Variants in RLF observed in about 807,000 individuals in gnomAD.
RLF encodes the protein RLF zinc finger, also known as zinc finger protein Rlf.
Under a neutral mutation model 162.9 loss-of-function variants are expected in RLF, and 7 were observed. The observed-to-expected ratio is 0.04, with a 90% CI of 0.02 to 0.08. The LOEUF (loss-of-function observed/expected upper bound fraction) is 0.08, where lower values mean the gene tolerates loss of function less well. Among genes scored for constraint, RLF ranks in the 10% least tolerant of loss-of-function variants. The probability of loss-of-function intolerance (pLI) is 1.00; values close to 1 mark genes in which losing one functional copy is unlikely to be tolerated. For missense variants in RLF, 1,664 were observed against 2,244.7 expected (o/e 0.74, Z 5.23); for synonymous variants, 782 against 791.5 (o/e 0.99, Z 0.20).
intron 5 of RLF, among the ~76,000 whole-genome samples, chr1:40,204,037 T>C (rs1236139468): frequency 9.4e-5 from 14 of 149,340 alleles, no homozygotes; most frequent in African/African-American, 3.2e-4. Flanking sequence ...CCTCTCTCTT[T>C]TTTTTTTTTT....
intron 4 of RLF, among the ~76,000 whole-genome samples, chr1:40,199,210 T>G (rs2124540646): frequency 6.6e-6 from 1 of 152,302 alleles, no homozygotes; most frequent in South Asian, 2.1e-4. Context: ...GTGATGACCC[T>G]TCAGTTGCTA....
chr1:40,225,230 TG>T (rs1643053222), intron 6 of RLF, among the ~76,000 whole-genome samples: 1 of 152,200 alleles, frequency 6.6e-6, no homozygotes. Context: ...ATTTATGTCT[TG>T]GGAGTATCAT....
chr1:40,203,860 C>T (rs1303380416), intron 5 of RLF, among the ~76,000 whole-genome samples: 2 of 152,132 alleles, frequency 1.3e-5, no homozygotes, highest in East Asian at 1.9e-4. Context: ...AATTGTCTAT[C>T]TTTCTACCTT....
At chr1:40,225,523 G>A (rs1450208356) in intron 6 of RLF, among the ~76,000 whole-genome samples, 2 of 146,354 alleles carry the variant, frequency 1.4e-5, no homozygotes, top group Non-Finnish European at 3.0e-5. Context: ...AGGTTGCAGC[G>A]AGCTGAGATC....
chr1:40,207,680 G>A (rs532229062), intron 5 of RLF, among the ~76,000 whole-genome samples: 12 of 152,060 alleles, frequency 7.9e-5, no homozygotes, highest in South Asian at 2.1e-4. Flanking sequence ...GCGTGATCTC[G>A]GCTCACTGCA....
intron 1 of RLF, among the ~76,000 whole-genome samples, chr1:40,187,177 G>A (rs1178840004): frequency 5.3e-5 from 8 of 151,200 alleles, no homozygotes; most frequent in African/African-American, 1.2e-4. Flanking sequence ...GACTACAAGC[G>A]CGCGCCACCA....
chr1:40,190,607 C>T (rs541173702), intron 2 of RLF, among the ~76,000 whole-genome samples, 165 bp from the exon 3 acceptor site: 11 of 152,014 alleles, frequency 7.2e-5, no homozygotes, highest in South Asian at 6.2e-4. Flanking sequence ...TTTTTTCCTC[C>T]TTTTTAAATT....
At chr1:40,190,717 C>T (rs1642544547) in intron 2 of RLF, 55 bp from the exon 3 acceptor site, 17 of 1,115,922 alleles carry the variant, frequency 1.5e-5, no homozygotes, top group Non-Finnish European at 2.0e-5. Context: ...TGCTGTCATA[C>T]TCTACTTAAT....
chr1:40,230,386 A>T (rs546268278), intron 6 of RLF, among the ~76,000 whole-genome samples: 42 of 152,296 alleles, frequency 2.8e-4, no homozygotes, highest in Middle Eastern at 3.4e-3. Flanking sequence ...AAAGAGCCAC[A>T]TGTATTAAGT....
chr1:40,170,245 CT>C (rs1557736655), intron 1 of RLF, among the ~76,000 whole-genome samples: 1 of 151,506 alleles, frequency 6.6e-6, no homozygotes, highest in African/African-American at 2.4e-5. Flanking sequence ...TAATTCTGAG[CT>C]TTTTTTTGTT....
At chr1:40,214,151 C>T (rs910170299) in intron 5 of RLF, among the ~76,000 whole-genome samples, 2 of 152,066 alleles carry the variant, frequency 1.3e-5, no homozygotes, top group African/African-American at 2.4e-5. Flanking sequence ...GAAATGCCTT[C>T]CATTTATTCA....
At chr1:40,205,564 G>A (rs531388430) in intron 5 of RLF, among the ~76,000 whole-genome samples, 1 of 138,364 alleles carries the variant, frequency 7.2e-6, no homozygotes, top group Admixed American at 8.0e-5. Context: ...ATCTTGGCTC[G>A]CTGCAAGCTC....
chr1:40,197,361 A>G (rs1642651325), intron 4 of RLF, among the ~76,000 whole-genome samples: 1 of 152,212 alleles, frequency 6.6e-6, no homozygotes, highest in Non-Finnish European at 1.5e-5. Flanking sequence ...CACCTTTGTT[A>G]TTGACAAAAG....
At chr1:40,185,826 C>CA (rs762760072) in intron 1 of RLF, among the ~76,000 whole-genome samples, 11,345 of 29,726 alleles carry the variant, frequency 0.38, 1,371 homozygotes, top group Non-Finnish European at 0.47. Context: ...GAGACTGTCT[C>CA]AAAAAAAAAA....
intron 6 of RLF, among the ~76,000 whole-genome samples, chr1:40,223,259 G>A (rs1039617823): frequency 9.9e-5 from 15 of 152,212 alleles, no homozygotes; most frequent in Non-Finnish European, 1.3e-4. Context: ...AAGTGTATCC[G>A]TGGTTCTTTC....
intron 7 of RLF, among the ~76,000 whole-genome samples, chr1:40,231,937 G>A (rs1643156209): frequency 6.6e-6 from 1 of 152,202 alleles, no homozygotes. Context: ...GCCAGGCACG[G>A]TGGCTCAAGC....
At chr1:40,186,559 G>A (rs1282138929) in intron 1 of RLF, among the ~76,000 whole-genome samples, 4 of 152,176 alleles carry the variant, frequency 2.6e-5, no homozygotes, top group Admixed American at 2.6e-4. Flanking sequence ...AAGTGGACAG[G>A]TGGATTGTGG....
intron 5 of RLF, among the ~76,000 whole-genome samples, chr1:40,213,476 T>G (rs1236295300): frequency 2.0e-5 from 3 of 152,218 alleles, no homozygotes; most frequent in Non-Finnish European, 2.9e-5. Flanking sequence ...ATAGTACTGG[T>G]CTGTAGCATT....
intron 1 of RLF, among the ~76,000 whole-genome samples, chr1:40,186,900 A>G (rs890655603): frequency 3.9e-5 from 6 of 152,252 alleles, no homozygotes; most frequent in Non-Finnish European, 7.3e-5. Context: ...TTTAAGGAAC[A>G]TAAATCTGGC....
Sources: gnomAD v4.1 joint callset for allele counts (sites outside exome capture counted in the v4.1 genomes callset) on GRCh38, gnomAD v4.1.1 for gene constraint, MANE v1.5 for transcripts, NCBI Gene and HGNC (gene_info 2026-07-23, HGNC 2026-07-21) for gene names.